Variants in PCDH15 observed in about 807,000 individuals in gnomAD.
The protein encoded by PCDH15 is protocadherin-15.
A neutral mutation model predicts 178.5 loss-of-function variants in PCDH15; 129 were observed. The observed-to-expected ratio is 0.72, with a 90% CI of 0.63 to 0.84. The LOEUF (loss-of-function observed/expected upper bound fraction) is 0.84, where lower values mean the gene tolerates loss of function less well. Among genes scored for constraint, PCDH15 ranks in the 40% least tolerant of loss-of-function variants. The probability of loss-of-function intolerance (pLI) is 0.00; values close to 1 mark genes in which losing one functional copy is unlikely to be tolerated. For missense variants in PCDH15, 2,230 were observed against 2,099.9 expected, an observed-to-expected ratio of 1.06 and a Z score of -1.21; for synonymous variants, 800 against 732.0, an observed-to-expected ratio of 1.09 and a Z score of -1.50.
chr10:54,657,456 T>C (rs1162417857), intron 2 of PCDH15, among the ~76,000 whole-genome samples: 2 of 152,188 alleles, frequency 1.3e-5, no homozygotes, highest in Admixed American at 6.5e-5. Flanking sequence ...ATAGAATACC[T>C]GTTCTCAGAA....
At chr10:54,478,811 A>G (rs1416565417) in intron 3 of PCDH15, among the ~76,000 whole-genome samples, 1 of 152,104 alleles carries the variant, frequency 6.6e-6, no homozygotes, top group East Asian at 1.9e-4. Flanking sequence ...GCTGCGGTAA[A>G]AAAAATCTGT....
chr10:53,957,257 T>G (rs936311025), intron 23 of PCDH15, among the ~76,000 whole-genome samples: 1 of 152,158 alleles, frequency 6.6e-6, no homozygotes, highest in Non-Finnish European at 1.5e-5. Context: ...CTGTGAGCGT[T>G]TTTTTGGATC....
intron 2 of PCDH15, among the ~76,000 whole-genome samples, chr10:54,535,143 T>C (rs1360342586): frequency 6.6e-6 from 1 of 152,200 alleles, no homozygotes; most frequent in Non-Finnish European, 1.5e-5. Flanking sequence ...AATGATATTT[T>C]ATGTACCTTA....
chr10:54,076,147 G>A (rs1385905937), intron 17 of PCDH15, among the ~76,000 whole-genome samples: 4 of 151,896 alleles, frequency 2.6e-5, no homozygotes, highest in African/African-American at 9.7e-5. Context: ...AAAATGTTTT[G>A]TAGTTTTCAT....
chr10:54,928,858 A>T (rs1330003135), intron 2 of PCDH15, among the ~76,000 whole-genome samples: 4 of 151,990 alleles, frequency 2.6e-5, no homozygotes, highest in Admixed American at 2.6e-4. Context: ...ACTTTATTGG[A>T]TTGAGTTTCA....
intron 2 of PCDH15, among the ~76,000 whole-genome samples, chr10:55,134,493 T>G (rs1808936127): frequency 6.6e-6 from 1 of 152,196 alleles, no homozygotes. Flanking sequence ...AGAAGAGAGA[T>G]ATGTGTTGTC....
intron 26 of PCDH15, among the ~76,000 whole-genome samples, chr10:53,881,495 C>G (rs2080714733): frequency 6.6e-6 from 1 of 152,122 alleles, no homozygotes; most frequent in African/African-American, 2.4e-5. Flanking sequence ...TTAGCTTAGG[C>G]AGCAGAAAGT....
intron 2 of PCDH15, among the ~76,000 whole-genome samples, chr10:54,580,082 T>C (rs374201261): frequency 4.5e-4 from 68 of 151,800 alleles, no homozygotes; most frequent in African/African-American, 1.5e-3. Context: ...AGGAACAATC[T>C]AAACCTAAAG....
chr10:55,248,866 CA>C (rs1225228679), intron 1 of PCDH15, among the ~76,000 whole-genome samples: 2 of 152,044 alleles, frequency 1.3e-5, no homozygotes, highest in Non-Finnish European at 2.9e-5. Context: ...CAATTCTTTC[CA>C]AAGTGATCTA....
chr10:54,951,537 T>C (rs1349724556), intron 2 of PCDH15, among the ~76,000 whole-genome samples: 1 of 151,954 alleles, frequency 6.6e-6, no homozygotes, highest in East Asian at 1.9e-4. Context: ...GGGTGAATTT[T>C]GGTGTGGTTA....
At chr10:54,850,741 A>G (rs1244439187) in intron 3 of PCDH15, among the ~76,000 whole-genome samples, 1 of 152,220 alleles carries the variant, frequency 6.6e-6, no homozygotes, top group Non-Finnish European at 1.5e-5. Flanking sequence ...TGCTAGAAGT[A>G]CAAAATTAAA....
intron 2 of PCDH15, among the ~76,000 whole-genome samples, chr10:54,944,921 A>G (rs914946907): frequency 6.6e-6 from 1 of 151,622 alleles, no homozygotes; most frequent in Admixed American, 6.6e-5. Context: ...TTTTTTTTCA[A>G]TTTGTTTTTA....
intron 1 of PCDH15, among the ~76,000 whole-genome samples, chr10:54,718,209 T>G (rs2095504439): frequency 6.6e-6 from 1 of 150,890 alleles, no homozygotes; most frequent in African/African-American, 2.5e-5. Flanking sequence ...CATGTATACA[T>G]AGGTAACTAA....
intron 24 of PCDH15, among the ~76,000 whole-genome samples, chr10:53,939,588 A>G (rs1298056128): frequency 1.3e-5 from 2 of 152,016 alleles, no homozygotes; most frequent in African/African-American, 4.8e-5. Flanking sequence ...GTAATTAATA[A>G]TCCCTTATAA....
rs145626206 is a variant in PCDH15 at position 55,261,651 on chromosome 10, G to A, written c.-156+57948C>T. On this transcript the variant is annotated intron_variant, in intron 1 of 5. Coordinates refer to the PCDH15 transcript ENST00000458638. The stretch of plus-strand genomic sequence containing the variant: ...AGAATAACCCATTTTGATCTCCCGA[G>A]AATCATTCTTGGAAGGTTCCTTAGA... 3.7e-3 allele frequency among the ~76,000 whole-genome samples: 565 copies of A among 152,126 alleles called. 3 individuals are homozygous for A. Among genetic ancestry groups the A allele is most frequent in the African/African-American group, 0.013 (523 of 41,508 alleles).
intron 10 of PCDH15, among the ~76,000 whole-genome samples, chr10:54,207,638 G>A (rs1242114577): frequency 1.3e-5 from 2 of 151,940 alleles, no homozygotes; most frequent in Non-Finnish European, 2.9e-5. Flanking sequence ...ACCCTGTGGA[G>A]GAACTCTCTG....
At chr10:53,977,618 A>G (rs532384102) in intron 21 of PCDH15, among the ~76,000 whole-genome samples, 3 of 152,256 alleles carry the variant, frequency 2.0e-5, no homozygotes, top group Non-Finnish European at 2.9e-5. Context: ...ATGACCTCAC[A>G]TTTCAAAACA....
At chr10:54,207,603 T>C (rs1368236513) in intron 10 of PCDH15, among the ~76,000 whole-genome samples, 1 of 152,094 alleles carries the variant, frequency 6.6e-6, no homozygotes, top group African/African-American at 2.4e-5. Context: ...GTTCTCATGA[T>C]GTGTTGTTGG....
intron 8 of PCDH15, among the ~76,000 whole-genome samples, chr10:54,260,538 T>C (rs964078859): frequency 1.3e-5 from 2 of 152,156 alleles, no homozygotes; most frequent in Non-Finnish European, 2.9e-5. Flanking sequence ...ACATTCATAA[T>C]GGTTTCAGTG....
Sources: allele counts gnomAD v4.1 joint callset (sites outside exome capture counted in the v4.1 genomes callset), GRCh38; gene constraint gnomAD v4.1.1; transcripts MANE v1.5; gene names NCBI Gene and HGNC (gene_info 2026-07-23, HGNC 2026-07-21).